ATG2A: variants seen among roughly 807,000 people sequenced by gnomAD.
ATG2A encodes autophagy-related protein 2 homolog A.
In ATG2A, 103 loss-of-function variants were observed where a neutral mutation model predicts 214.2. The ratio of observed to expected loss-of-function variants is 0.48; its 90% CI spans 0.41 to 0.57. The LOEUF is 0.57. ATG2A is among the 20% of genes least tolerant of loss of function. The pLI is 0.00. For missense variants in ATG2A, 2,312 were observed against 2,613.2 expected (o/e 0.88, Z 2.51); for synonymous variants, 1,160 against 1,142.1 (o/e 1.02, Z -0.32).
chr11:64,896,700 G>A (rs369521423), intron 38 of ATG2A, 48 bp downstream of exon 38: 32 of 1,609,628 alleles, frequency 2.0e-5, no homozygotes, highest in Non-Finnish European at 2.7e-5. Context: ...CTTCTAGGTT[G>A]CCCAAGGGTA....
At position 64,907,613 on chromosome 11, in the gene ATG2A, G is replaced by A. The variant is rs762800805; in HGVS notation, c.2559C>T (p.Pro853=). 1.2e-5 allele frequency: 19 copies of A among 1,584,814 alleles called. No homozygotes were observed. Among genetic ancestry groups the A allele is most frequent in the Middle Eastern group, 1.7e-4 (1 of 5,984 alleles). ...AGCCCGAGGGCTGGGCGGCGGGGTC[G>A]GGGGTGGGAAGCAGATCTGCAGGCT... ...MWEPADLLPT[P]DPAAQPSGFP... is the part of the protein sequence containing the mutation. The change falls in exon 18 of 41, where the codon CCC becomes CCT. Residue 853 remains proline (P), a synonymous_variant. Transcript: ENST00000377264.
At chr11:64,897,380 C>G in intron 37 of ATG2A, 32 bp downstream of exon 37, 1 of 1,552,158 alleles carries the variant, frequency 6.4e-7, no homozygotes, top group Non-Finnish European at 8.7e-7. Context: ...GATCAGGGAC[C>G]CTGGAGAGAG....
intron 31 of ATG2A, 91 bp downstream of exon 31, chr11:64,900,403 T>C: frequency 6.3e-7 from 1 of 1,579,554 alleles, no homozygotes; most frequent in Non-Finnish European, 8.6e-7. Context: ...GGGGTTTTCC[T>C]CTGCATTAGT....
intron 11 of ATG2A, 49 bp from the exon 12 acceptor site, chr11:64,910,757 C>T (rs1351125483): frequency 1.2e-6 from 2 of 1,610,450 alleles, no homozygotes; most frequent in Non-Finnish European, 1.7e-6. Flanking sequence ...GCCCCACAGC[C>T]ACCCAAACCT....
Position 64,910,869 on chromosome 11 carries a change from C to T in ATG2A, c.1552G>A (p.Gly518Arg), listed in dbSNP as rs763519305. 8.7e-6 allele frequency: 14 copies of T among 1,609,108 alleles called. No individual in the cohort carries two copies. The highest frequency in any genetic ancestry group is 1.1e-5 in the South Asian group (1 of 90,358). Residue 518 changes from glycine (G) to arginine (R), a missense_variant, in exon 11 of 41, where the codon GGG (glycine) becomes AGG (arginine). Physicochemically the swap from Gly to Arg is moderately radical, Grantham distance 125. Coordinates refer to ENST00000377264, the MANE Select transcript of ATG2A (RefSeq NM_015104.3). ...RRTTSMEVHF[G>R]QLEVLECLWP... ...AGACACTCCAGCACCTCCAGCTGCCCGAAGTGCACTTCCATGCTGGTTGTC... is the reference window on the plus strand; with the variant it reads ...AGACACTCCAGCACCTCCAGCTGCCTGAAGTGCACTTCCATGCTGGTTGTC...
At position 64,902,666 on chromosome 11, in the gene ATG2A, G is replaced by C; in HGVS notation, c.3627C>G (p.Phe1209Leu). ...CCACATTGTTGGAGCAGCGCAGCTC[G>C]AATAGTGGCTGGCTCTGCAGGGGCG... ...STEGKLSQPLFELRCSNNVVH... is the reference protein window; with the variant it reads ...STEGKLSQPLLELRCSNNVVH... The change falls in exon 27 of 41, where the codon TTC becomes TTG. Residue 1209 changes from phenylalanine (F) to leucine (L), a missense_variant. Coordinates refer to ENST00000377264, the MANE Select transcript of ATG2A (RefSeq NM_015104.3). 3 of 1,610,150 alleles carry C rather than the reference G, an allele frequency of 1.9e-6. No individual in the cohort carries two copies. Among genetic ancestry groups the C allele is most frequent in the Middle Eastern group, 2.0e-4 (1 of 4,902 alleles).
chr11:64,898,034 G>T lies in ATG2A; in HGVS notation c.4858+52C>A. On this transcript the variant is annotated intron_variant, in intron 34 of 40. Transcript: ENST00000377264. The surrounding 1 kb of genome is among the most constrained non-coding windows in gnomAD (Gnocchi z 4.5). ...CCAGGAATGACTGGGAACCTGTGCT[G>T]TCCTGGGAGGCAGAAGGCCCAGACG... The T allele has an allele frequency of 6.2e-7, 1 of 1,608,158 alleles. No homozygotes were observed. The highest frequency in any genetic ancestry group is 8.5e-7 in the Non-Finnish European group (1 of 1,177,878).
rs746176574 is a variant in ATG2A at position 64,902,192 on chromosome 11, C to G, written c.3905-16G>C. On this transcript the variant is annotated splice_polypyrimidine_tract_variant and intron_variant, in intron 28 of 40. Coordinates refer to ENST00000377264, the MANE Select transcript of ATG2A (RefSeq NM_015104.3). ...AGGTGGCCACCTATAGGAGAGAGGC[C>G]AGTTTGGAGAGGCGCCCACAGTGGG... The G allele has an allele frequency of 3.7e-6, 6 of 1,612,708 alleles. No homozygotes were observed. The highest frequency in any genetic ancestry group is 1.7e-5 in the Admixed American group (1 of 59,986).
In ATG2A at chr11:64,910,624, C is replaced by A. The variant is rs771443878; in HGVS notation, c.1699G>T (p.Val567Leu). Residue 567 changes from valine (V) to leucine (L), a missense_variant, in exon 12 of 41, where the codon GTG becomes TTG. Coordinates refer to ENST00000377264, the MANE Select transcript of ATG2A (RefSeq NM_015104.3). Reference sequence around the variant, plus strand: ...TGGAGCGGGTGGGTTACCTTAGGCACACGGCGCAGGATCTGTGTGTGGCGC... The same window carrying A: ...TGGAGCGGGTGGGTTACCTTAGGCAAACGGCGCAGGATCTGTGTGTGGCGC... ...HLRHTQILRR[V>L]PKSRPRRSVA... The A allele has an allele frequency of 1.9e-6, 3 of 1,601,896 alleles. No individual in the cohort carries two copies. The highest frequency in any genetic ancestry group is 2.6e-6 in the Non-Finnish European group (3 of 1,174,870).
chr11:64,898,331 G>A lies in ATG2A; in HGVS notation c.4703C>T (p.Thr1568Ile), dbSNP rs757700302. ...GCACTCAGGCCCACCCAGGTTGGTA[G>A]TGGGGGCCACATGCAGCGCTTTGAT... ...LTIKALHVAP[T>I]TNLGGPECCL... The change falls in exon 33 of 41, where the codon ACT becomes ATT. Residue 1568 changes from threonine to isoleucine, a missense_variant. Physicochemically the swap from Thr to Ile is moderately conservative, Grantham distance 89 (BLOSUM62 -1). Transcript: ENST00000377264. This position sits in a 1 kb window ranked among gnomAD's most constrained non-coding sequence, Gnocchi z 4.5. 3.1e-6 allele frequency: 5 copies of A among 1,609,804 alleles called. No homozygotes were observed. The South Asian group carries it at 5.5e-5, about 18-fold the overall frequency.
chr11:64,913,387 T>A lies in ATG2A; in HGVS notation c.605A>T (p.Asp202Val). The change falls in exon 5 of 41, where the codon GAT (aspartate) becomes GTT (valine). Residue 202 changes from aspartate (D) to valine (V), a missense_variant. By Grantham distance (152) the Asp-to-Val change is radical (BLOSUM62 -3). Coordinates refer to ENST00000377264, the MANE Select transcript of ATG2A (RefSeq NM_015104.3). The surrounding 1 kb of genome is among the most constrained non-coding windows in gnomAD (Gnocchi z 4.3). ...CTGGCTTGGGTCCCGCACTGCCTCA[T>A]CACAGTACTCCAGTCTGGAGAGTGT... ...EVRVQRLEYC[D>V]EAVRDPSQAP... is the part of the protein sequence containing the mutation. The A allele has an allele frequency of 6.3e-7, 1 of 1,594,200 alleles. No homozygotes were observed. Among genetic ancestry groups the A allele is most frequent in the Non-Finnish European group, 8.5e-7 (1 of 1,171,550 alleles).
rs780791734 is a variant in ATG2A, at chr11:64,905,586, CATG to C, written c.3438_3440del (p.Ile1146del). ...ACCTGAGCAGGAAGGTGGAGGTGTC[CATG>C]ATGATGTTGCTGGAGAGAGTGAAGG... On this transcript the variant is annotated inframe_deletion, in exon 24 of 41. Transcript: ENST00000377264. 4 of 1,612,742 alleles carry C rather than the reference CATG, an allele frequency of 2.5e-6. No individual in the cohort carries two copies. Among genetic ancestry groups the C allele is most frequent in the South Asian group, 2.2e-5 (2 of 90,794 alleles).
Position 64,901,100 on chromosome 11 carries a change from G to C in ATG2A, c.4120-8C>G. The C allele has an allele frequency of 1.3e-6, 2 of 1,556,468 alleles. No individual in the cohort carries two copies. Among genetic ancestry groups the C allele is most frequent in the East Asian group, 4.8e-5 (2 of 41,312 alleles). On this transcript the variant is annotated splice_polypyrimidine_tract_variant and splice_region_variant and intron_variant, in intron 29 of 40. Coordinates refer to ENST00000377264, the MANE Select transcript of ATG2A (RefSeq NM_015104.3). ...AGGCTCCCCATCTCGGGGCTGCAGG[G>C]AGGCCAGGTAGACGTGTGACACAGA...
At position 64,912,269 on chromosome 11, in the gene ATG2A, A is replaced by G. The variant is rs769587852; in HGVS notation, c.923-20T>C. The G allele has an allele frequency of 3.7e-6, 6 of 1,609,912 alleles. No homozygotes were observed. The Admixed American group carries it at 6.7e-5, about 18-fold the overall frequency. Reference sequence around the variant, plus strand: ...CGTGGTCTGCAGGGGAGGAGACTTCAGTCTGGGCTGGCTGGCCCTCCCAGC... The same window carrying G: ...CGTGGTCTGCAGGGGAGGAGACTTCGGTCTGGGCTGGCTGGCCCTCCCAGC... On this transcript the variant is annotated intron_variant, in intron 7 of 40. Coordinates refer to ENST00000377264, the MANE Select transcript of ATG2A (RefSeq NM_015104.3).
In ATG2A at chr11:64,902,076, G is replaced by A. The variant is rs1944369195; in HGVS notation, c.4005C>T (p.Gly1335=). ...TCTCCTCTGAGCATGACCCTAAGCT[G>A]CCAGCAGGGCCCCCGACAGGTGGTG... ...PPSPPVGGPA[G]SLGSCSEEKE... The change falls in exon 29 of 41, where the codon GGC becomes GGT. Residue 1335 remains glycine, a synonymous_variant. Coordinates refer to ENST00000377264, the MANE Select transcript of ATG2A (RefSeq NM_015104.3). 1 of 1,614,004 alleles carries A rather than the reference G, an allele frequency of 6.2e-7. No homozygotes were observed. Among genetic ancestry groups the A allele is most frequent in the Non-Finnish European group, 8.5e-7 (1 of 1,180,018 alleles).
chr11:64,905,706 C>T, intron 23 of ATG2A, 36 bp downstream of exon 23: 1 of 1,613,640 alleles, frequency 6.2e-7, no homozygotes, highest in Non-Finnish European at 8.5e-7. Context: ...GAGAGCCCAT[C>T]CCCGTCCCCA....
Position 64,909,058 on chromosome 11 carries a change from G to A in ATG2A, c.2297C>T (p.Pro766Leu). Residue 766 changes from proline (P) to leucine (L), a missense_variant, in exon 16 of 41, where the codon CCC becomes CTC. Transcript: ENST00000377264. ...GEELELSVES[P>L]CELREPEPSP... is the part of the protein sequence containing the mutation. ...GGGCTCAGGTTCCCGCAGCTCACAGGGACTCTCCACTGACAGCTCCAGTTC... is the reference window on the plus strand; with the variant it reads ...GGGCTCAGGTTCCCGCAGCTCACAGAGACTCTCCACTGACAGCTCCAGTTC... 3 of 1,613,272 alleles carry A rather than the reference G, an allele frequency of 1.9e-6. No homozygotes were observed. Among genetic ancestry groups the A allele is most frequent in the Non-Finnish European group, 2.5e-6 (3 of 1,179,960 alleles).
chr11:64,903,661 C>CT lies in ATG2A; in HGVS notation c.3465-2dup. 6.5e-7 allele frequency: 1 copy of CT among 1,549,408 alleles called. No individual in the cohort carries two copies. The highest frequency in any genetic ancestry group is 8.7e-7 in the Non-Finnish European group (1 of 1,146,130). On this transcript the variant is annotated splice_acceptor_variant, in intron 24 of 40. Transcript: ENST00000377264. LOFTEE classifies it high-confidence loss of function. The surrounding 1 kb of genome is among the most constrained non-coding windows in gnomAD (Gnocchi z 4.2). ...CAAGGCGGAGTCATCGAGGATGAAC[C>CT]TGGGGGGGAACAGGGCTGAGAAGGG...
Position 64,903,331 on chromosome 11 carries a change from TC to T in ATG2A, c.3568del (p.Glu1190AsnfsTer3). On this transcript the variant is annotated frameshift_variant, in exon 26 of 41. Coordinates refer to ENST00000377264, the MANE Select transcript of ATG2A (RefSeq NM_015104.3). LOFTEE classifies it high-confidence loss of function. The surrounding 1 kb of genome is among the most constrained non-coding windows in gnomAD (Gnocchi z 4.2). ...CCCTTTCCAGGTTTTAATCACAAGT[TC>T]CAAGAGGTCAACATCCAAAACACAG... ...YVCVLDVDLLELVIKTWKGST... is the reference protein window; with the variant it reads ...YVCVLDVDLLXLVIKTWKGST... 6.2e-7 allele frequency: 1 copy of T among 1,613,996 alleles called. No individual in the cohort carries two copies. The highest frequency in any genetic ancestry group is 8.5e-7 in the Non-Finnish European group (1 of 1,179,976).
Sources: allele counts gnomAD v4.1 joint callset, GRCh38; gene constraint gnomAD v4.1.1; non-coding constraint Gnocchi (gnomAD v3.1); transcripts MANE v1.5; gene names NCBI Gene and HGNC (gene_info 2026-07-23, HGNC 2026-07-21).